The following CTNNA2 variants were observed in gnomAD, a reference collection of about 807,000 sequenced individuals.
CTNNA2 encodes the protein catenin alpha-2.
Under a neutral mutation model 101.0 loss-of-function variants are expected in CTNNA2, and 42 were observed. The observed-to-expected ratio is 0.42, with a 90% confidence interval of 0.32 to 0.54. The LOEUF (loss-of-function observed/expected upper bound fraction) is 0.54, where lower values mean the gene tolerates loss of function less well. Among genes scored for constraint, CTNNA2 ranks in the 20% least tolerant of loss-of-function variants. CTNNA2 has a pLI of 0.14. For missense variants in CTNNA2, 871 were observed against 1,223.1 expected (o/e 0.71, Z 4.29); for synonymous variants, 450 against 456.4 (o/e 0.99, Z 0.18).
chr2:80,609,455 G>A (rs1033310660), intron 17 of CTNNA2, among the ~76,000 whole-genome samples: 14 of 151,606 alleles, frequency 9.2e-5, no homozygotes, highest in Admixed American at 2.6e-4. Flanking sequence ...TGGCTATTTT[G>A]TGCCTCTTCC....
chr2:79,918,335 C>A (rs1686408442), intron 7 of CTNNA2, among the ~76,000 whole-genome samples: 1 of 152,094 alleles, frequency 6.6e-6, no homozygotes, highest in Non-Finnish European at 1.5e-5. Flanking sequence ...CTTTTCATGG[C>A]CTAGACTTGG....
At chr2:80,305,297 T>A (rs1676820063) in intron 7 of CTNNA2, 1 of 985,168 alleles carries the variant, frequency 1.0e-6, no homozygotes, top group South Asian at 4.7e-5. Flanking sequence ...CAAGTCCCGG[T>A]GGTGTGAGAT....
chr2:79,505,839 G>C (rs1671400777), intron 5 of CTNNA2, among the ~76,000 whole-genome samples: 2 of 152,186 alleles, frequency 1.3e-5, no homozygotes, highest in African/African-American at 4.8e-5. Flanking sequence ...TCTCATTAAA[G>C]TATGAGACTG....
chr2:80,604,035 T>C, intron 15 of CTNNA2, 39 bp from the exon 16 acceptor site: 1 of 1,565,032 alleles, frequency 6.4e-7, no homozygotes, highest in Non-Finnish European at 8.8e-7. Context: ...TTTCCCGTCA[T>C]TAAGTGGATT....
At chr2:79,685,476 A>G (rs957485228) in intron 2 of CTNNA2, among the ~76,000 whole-genome samples, 1 of 152,186 alleles carries the variant, frequency 6.6e-6, no homozygotes, top group Non-Finnish European at 1.5e-5. Flanking sequence ...TGAAGCATAT[A>G]GGCCTAGTGG....
chr2:79,220,404 T>TAACA (rs1674327090), intron 2 of CTNNA2, among the ~76,000 whole-genome samples: 1 of 152,172 alleles, frequency 6.6e-6, no homozygotes, highest in Non-Finnish European at 1.5e-5. Flanking sequence ...ATAGAAATTC[T>TAACA]AACACTGAAT....
At chr2:79,757,350 A>AT (rs1305941471) in intron 3 of CTNNA2, among the ~76,000 whole-genome samples, 19 of 152,198 alleles carry the variant, frequency 1.2e-4, no homozygotes, top group Non-Finnish European at 7.3e-5. Context: ...AACTATTCTT[A>AT]TTTTTAAGCT....
intron 7 of CTNNA2, chr2:80,029,542 A>G (rs934383423): frequency 1.3e-5 from 2 of 152,096 alleles, no homozygotes; most frequent in Non-Finnish European, 2.9e-5. Context: ...GGACCAAGGG[A>G]CCAGTTTAGG....
intron 6 of CTNNA2, among the ~76,000 whole-genome samples, chr2:79,880,506 G>A (rs148160264): frequency 1.8e-4 from 27 of 152,190 alleles, no homozygotes; most frequent in African/African-American, 6.3e-4. Context: ...CTTGTTATTG[G>A]TCTATTCCAT....
chr2:79,910,640 C>A (rs962655116), intron 7 of CTNNA2, among the ~76,000 whole-genome samples: 1 of 152,018 alleles, frequency 6.6e-6, no homozygotes, highest in Non-Finnish European at 1.5e-5. Context: ...AGTGAGGTCT[C>A]GATATTACAT....
intron 5 of CTNNA2, among the ~76,000 whole-genome samples, chr2:79,870,793 C>A (rs1162612608): frequency 6.6e-6 from 1 of 152,112 alleles, no homozygotes. Flanking sequence ...CCCGTGGGAA[C>A]TCACTCACTA....
chr2:80,047,338 C>T (rs1256866869), intron 7 of CTNNA2, among the ~76,000 whole-genome samples: 2 of 152,110 alleles, frequency 1.3e-5, no homozygotes, highest in Non-Finnish European at 1.5e-5. Context: ...TAGAGGCTAC[C>T]GTATGGGACA....
chr2:79,358,656 G>A (rs1041697629), intron 3 of CTNNA2, among the ~76,000 whole-genome samples: 1 of 152,164 alleles, frequency 6.6e-6, no homozygotes, highest in African/African-American at 2.4e-5. Flanking sequence ...GGAGGCCAAG[G>A]ACCAAAGTAT....
chr2:80,149,026 T>A (rs868181316), intron 7 of CTNNA2, among the ~76,000 whole-genome samples: 3,326 of 114,104 alleles, frequency 0.029, 143 homozygotes, highest in African/African-American at 0.098. Flanking sequence ...TTTTGTTATT[T>A]TTTTTTTTTT....
intron 9 of CTNNA2, among the ~76,000 whole-genome samples, chr2:80,535,068 T>C (rs1472122086): frequency 6.6e-6 from 1 of 152,180 alleles, no homozygotes; most frequent in African/African-American, 2.4e-5. Context: ...AAAAGAATTA[T>C]AACTTGAGAA....
At chr2:80,515,320 G>T (rs750383203) in intron 9 of CTNNA2, among the ~76,000 whole-genome samples, 12 of 151,896 alleles carry the variant, frequency 7.9e-5, no homozygotes, top group Admixed American at 3.9e-4. Context: ...GTGTCTCAGG[G>T]CTTCCCATAT....
At chr2:79,856,680 T>C (rs2974157) in intron 3 of CTNNA2, among the ~76,000 whole-genome samples, 128,296 of 152,130 alleles carry the variant, frequency 0.84, 54,126 homozygotes, top group East Asian at 0.88. Flanking sequence ...TTGTTTCCCA[T>C]TCCTGGGTCC....
At chr2:80,212,472 T>A (rs1366027927) in intron 7 of CTNNA2, among the ~76,000 whole-genome samples, 1 of 152,236 alleles carries the variant, frequency 6.6e-6, no homozygotes, top group Non-Finnish European at 1.5e-5. Context: ...TCTATTGAGA[T>A]AATCATGTGG....
intron 7 of CTNNA2, among the ~76,000 whole-genome samples, chr2:79,940,747 G>A (rs1461836126): frequency 6.6e-6 from 1 of 152,130 alleles, no homozygotes; most frequent in Non-Finnish European, 1.5e-5. Flanking sequence ...AATGTGTTCG[G>A]CACACTTACA....
Sources: allele counts gnomAD v4.1 joint callset (sites outside exome capture counted in the v4.1 genomes callset), GRCh38; gene constraint gnomAD v4.1.1; transcripts MANE v1.5; gene names NCBI Gene and HGNC (gene_info 2026-07-23, HGNC 2026-07-21).